GRM8: variants seen among roughly 807,000 people sequenced by gnomAD.
GRM8 encodes the protein metabotropic glutamate receptor 8.
In GRM8, 47 loss-of-function variants were observed where a neutral mutation model predicts 87.2. The ratio of observed to expected loss-of-function variants is 0.54; its 90% CI spans 0.43 to 0.69. The LOEUF is 0.69. Among genes scored for constraint, GRM8 ranks in the 30% least tolerant of loss-of-function variants. GRM8 has a pLI of 0.00. For synonymous variants in GRM8, 396 were observed against 404.5 expected (o/e 0.98, Z 0.25); for missense variants, 1,019 against 1,139.2 (o/e 0.89, Z 1.52).
chr7:126,593,902 G>C (rs1796920265), intron 8 of GRM8, among the ~76,000 whole-genome samples: 2 of 151,856 alleles, frequency 1.3e-5, no homozygotes, highest in Admixed American at 6.6e-5. Context: ...TCATTAGCAA[G>C]AAAACAAATA....
Position 127,109,236 on chromosome 7 carries a change from G to A in GRM8, c.511-2524C>T, listed in dbSNP as rs530837364. Among the ~76,000 whole-genome samples the A allele has an allele frequency of 1.3e-3, 203 of 151,882 alleles. 3 individuals are homozygous for A. In the South Asian group the frequency reaches 0.038, roughly 28 times the overall value. On this transcript the variant is annotated intron_variant, in intron 2 of 10. Transcript: ENST00000339582. ...AAGGTGGTGAATGGTGAAGAGAAGC[G>A]GAGGAAAAAAATGAAAGGAAAAAGA...
intron 6 of GRM8, among the ~76,000 whole-genome samples, chr7:126,844,351 C>T (rs1426591411): frequency 6.6e-6 from 1 of 152,136 alleles, no homozygotes; most frequent in Non-Finnish European, 1.5e-5. Context: ...AACAAGCATT[C>T]TGAAAGTGTC....
intron 6 of GRM8, among the ~76,000 whole-genome samples, chr7:126,809,498 C>A (rs1793091192): frequency 6.6e-6 from 1 of 152,148 alleles, no homozygotes; most frequent in South Asian, 2.1e-4. Flanking sequence ...AGGACTTAAA[C>A]CTATAGATAA....
intron 3 of GRM8, among the ~76,000 whole-genome samples, chr7:127,079,409 A>C (rs1822619941): frequency 6.6e-6 from 1 of 152,234 alleles, no homozygotes; most frequent in Non-Finnish European, 1.5e-5. Context: ...GGCGTGAGCC[A>C]CCACGCCCAG....
At chr7:126,463,961 G>A (rs763806946) in intron 9 of GRM8, among the ~76,000 whole-genome samples, 12 of 151,716 alleles carry the variant, frequency 7.9e-5, no homozygotes, top group East Asian at 3.9e-4. Context: ...ATTATGCTGT[G>A]TTTCTACTAC....
chr7:126,715,065 G>A (rs968497498), intron 7 of GRM8, among the ~76,000 whole-genome samples: 3 of 152,118 alleles, frequency 2.0e-5, no homozygotes, highest in East Asian at 1.9e-4. Context: ...CTGTAATGTC[G>A]TGACTTTTCT....
intron 3 of GRM8, among the ~76,000 whole-genome samples, chr7:127,064,522 G>A (rs1368797026): frequency 6.6e-6 from 1 of 152,128 alleles, no homozygotes; most frequent in African/African-American, 2.4e-5. Flanking sequence ...CATTACACAT[G>A]AGATGAGTTT....
chr7:126,562,678 T>A (rs1368725663), intron 8 of GRM8, among the ~76,000 whole-genome samples: 1 of 152,176 alleles, frequency 6.6e-6, no homozygotes, highest in Non-Finnish European at 1.5e-5. Flanking sequence ...GCAGATCACC[T>A]GAGGTTGGGA....
At chr7:126,439,417 GAACACATAACACAACAC>G (rs1241892039) in intron 10 of GRM8, among the ~76,000 whole-genome samples, 4 of 152,126 alleles carry the variant, frequency 2.6e-5, no homozygotes, top group East Asian at 1.9e-4. Flanking sequence ...ATCACCCAGT[GAACACATAACACAACAC>G]AACACATAAC....
chr7:126,783,218 C>T (rs914518286), intron 6 of GRM8, among the ~76,000 whole-genome samples: 8 of 152,102 alleles, frequency 5.3e-5, no homozygotes, highest in South Asian at 2.1e-4. Context: ...AGACTGGGGC[C>T]GGATCTAACT....
chr7:126,776,026 A>C (rs1819436425), intron 6 of GRM8, among the ~76,000 whole-genome samples: 1 of 152,092 alleles, frequency 6.6e-6, no homozygotes, highest in East Asian at 1.9e-4. Flanking sequence ...TGTCACCTCA[A>C]ATTTGTTAAT....
intron 7 of GRM8, among the ~76,000 whole-genome samples, chr7:126,745,597 G>GTT (rs11296015): frequency 1.3e-5 from 2 of 151,294 alleles, no homozygotes; most frequent in Admixed American, 1.3e-4. Context: ...TTGCTTTTGG[G>GTT]TTTTTTTCCC....
At chr7:127,061,428 T>C (rs1820583690) in intron 3 of GRM8, among the ~76,000 whole-genome samples, 1 of 152,214 alleles carries the variant, frequency 6.6e-6, no homozygotes, top group Non-Finnish European at 1.5e-5. Flanking sequence ...AAAAAATACA[T>C]TAACATTTTC....
intron 6 of GRM8, among the ~76,000 whole-genome samples, chr7:126,885,151 A>G (rs1586320471): frequency 6.6e-6 from 1 of 152,132 alleles, no homozygotes; most frequent in African/African-American, 2.4e-5. Flanking sequence ...CACAAACCCC[A>G]TATCATCCAA....
intron 8 of GRM8, among the ~76,000 whole-genome samples, chr7:126,584,369 C>T (rs538406835): frequency 2.6e-5 from 4 of 152,130 alleles, no homozygotes; most frequent in African/African-American, 9.6e-5. Flanking sequence ...GAATTACAGG[C>T]ACACGCCACC....
At chr7:126,778,516 T>A (rs1438099321) in intron 6 of GRM8, among the ~76,000 whole-genome samples, 2 of 152,176 alleles carry the variant, frequency 1.3e-5, no homozygotes, top group African/African-American at 4.8e-5. Context: ...GCAAATTATT[T>A]CATAGATATA....
intron 6 of GRM8, among the ~76,000 whole-genome samples, chr7:126,886,723 G>T (rs1280273875): frequency 6.6e-6 from 1 of 152,176 alleles, no homozygotes; most frequent in Admixed American, 6.5e-5. Flanking sequence ...TATCCAAAAT[G>T]TATATATTTT....
chr7:126,526,077 T>C (rs1275339532), intron 9 of GRM8, among the ~76,000 whole-genome samples: 2 of 152,148 alleles, frequency 1.3e-5, no homozygotes, highest in Non-Finnish European at 2.9e-5. Context: ...ATATATGTGG[T>C]TACAGCCAAA....
chr7:126,940,251 T>C (rs565789215), intron 3 of GRM8, among the ~76,000 whole-genome samples: 1 of 152,370 alleles, frequency 6.6e-6, no homozygotes, highest in South Asian at 2.1e-4. Flanking sequence ...TCCATTGTTT[T>C]ATCTTTATTT....
Sources: gnomAD v4.1 joint callset for allele counts (sites outside exome capture counted in the v4.1 genomes callset) on GRCh38, gnomAD v4.1.1 for gene constraint, MANE v1.5 for transcripts, NCBI Gene and HGNC (gene_info 2026-07-23, HGNC 2026-07-21) for gene names.